The following FAM135B variants were observed in gnomAD, a reference collection of about 807,000 sequenced individuals.
The protein encoded by FAM135B is family with sequence similarity 135 member B.
A neutral mutation model predicts 127.7 loss-of-function variants in FAM135B; 43 were observed. The observed-to-expected ratio is 0.34, with a 90% confidence interval of 0.26 to 0.43. FAM135B has a LOEUF of 0.43. Ranked by LOEUF, FAM135B falls within the 20% of genes least tolerant of loss-of-function variation. FAM135B has a pLI of 1.00. For synonymous variants in FAM135B, 670 were observed against 665.1 expected (o/e 1.01, Z -0.11); for missense variants, 1,558 against 1,725.6 (o/e 0.90, Z 1.72).
chr8:138,261,274 A>G (rs1822518705), intron 4 of FAM135B, among the ~76,000 whole-genome samples: 1 of 152,200 alleles, frequency 6.6e-6, no homozygotes, highest in Admixed American at 6.5e-5. Context: ...CCAAGGAATC[A>G]CACTTTGGAA....
rs542960410 is a variant in FAM135B, at chr8:138,255,079, G to C, written c.368+1610C>G. Among the ~76,000 whole-genome samples the C allele has an allele frequency of 1.3e-4, 20 of 149,212 alleles. No homozygotes were observed. The South Asian group carries it at 3.5e-3, about 26-fold the overall frequency. ...CAGTCTTGCTCTGTCACCCAGGCTG[G>C]AGTGCAGTGGTACAATCAGGACGCA... On this transcript the variant is annotated intron_variant, in intron 5 of 19. Transcript: ENST00000395297.
At chr8:138,407,225 G>A (rs1044606097) in intron 1 of FAM135B, among the ~76,000 whole-genome samples, 16 of 149,962 alleles carry the variant, frequency 1.1e-4, no homozygotes, top group African/African-American at 3.9e-4. Flanking sequence ...TCTTCAAGGA[G>A]AACTACAAAC....
At chr8:138,488,003 C>CA (rs919621937) in intron 1 of FAM135B, among the ~76,000 whole-genome samples, 33 of 147,580 alleles carry the variant, frequency 2.2e-4, no homozygotes, top group South Asian at 1.8e-3. Flanking sequence ...GACTCTCTCT[C>CA]AAAAAAAACA....
chr8:138,278,217 C>A (rs370119093), intron 3 of FAM135B, among the ~76,000 whole-genome samples: 1 of 121,532 alleles, frequency 8.2e-6, no homozygotes, highest in East Asian at 2.7e-4. Context: ...TCTAGGTGTT[C>A]ATTGACACGA....
At chr8:138,365,761 T>G (rs181031672) in intron 2 of FAM135B, among the ~76,000 whole-genome samples, 5 of 152,316 alleles carry the variant, frequency 3.3e-5, no homozygotes, top group East Asian at 1.9e-4. Context: ...TTAGTGAAGT[T>G]AAAACTAGAA....
At chr8:138,346,081 G>T (rs1829390550) in intron 2 of FAM135B, among the ~76,000 whole-genome samples, 2 of 152,168 alleles carry the variant, frequency 1.3e-5, no homozygotes, top group African/African-American at 2.4e-5. Flanking sequence ...TTAGAGAAAT[G>T]CAAATCAAAA....
chr8:138,212,030 T>C (rs1818181907), intron 7 of FAM135B, among the ~76,000 whole-genome samples: 1 of 152,172 alleles, frequency 6.6e-6, no homozygotes, highest in Non-Finnish European at 1.5e-5. Context: ...ATGGAGCCAC[T>C]GCACTCCACC....
chr8:138,299,607 A>ACC (rs147805579), intron 3 of FAM135B, among the ~76,000 whole-genome samples: 5,350 of 152,044 alleles, frequency 0.035, 205 homozygotes, highest in East Asian at 0.18. Flanking sequence ...ACACACACAC[A>ACC]CCCACGATCC....
chr8:138,218,766 C>CACAGAG (rs1469155017), intron 7 of FAM135B, among the ~76,000 whole-genome samples: 1 of 80,498 alleles, frequency 1.2e-5, no homozygotes, highest in Non-Finnish European at 2.7e-5. Context: ...CACACACACA[C>CACAGAG]AGAGAGAGAG....
intron 8 of FAM135B, among the ~76,000 whole-genome samples, chr8:138,197,244 G>A (rs1176066533): frequency 6.6e-6 from 1 of 152,134 alleles, no homozygotes; most frequent in Non-Finnish European, 1.5e-5. Context: ...ATTATGCAGT[G>A]GAGTGGCAGG....
At chr8:138,304,345 A>AGG (rs1316199806) in intron 3 of FAM135B, among the ~76,000 whole-genome samples, 3 of 152,218 alleles carry the variant, frequency 2.0e-5, no homozygotes, top group Non-Finnish European at 4.4e-5. Flanking sequence ...GGTCCTCCAC[A>AGG]GGGAAGCCCC....
intron 12 of FAM135B, 80 bp from the exon 13 acceptor site, chr8:138,153,296 A>C (rs1818361352): frequency 8.2e-7 from 1 of 1,219,648 alleles, no homozygotes; most frequent in Non-Finnish European, 1.1e-6. Context: ...TAACTGTATA[A>C]TAAAGAATTT....
chr8:138,347,711 G>A (rs1829510185), intron 2 of FAM135B, among the ~76,000 whole-genome samples: 2 of 152,126 alleles, frequency 1.3e-5, no homozygotes, highest in East Asian at 3.9e-4. Context: ...GTCAGGGCCT[G>A]AGCCAATCAC....
At position 138,137,237 on chromosome 8, in the gene FAM135B, C is replaced by G. The variant is rs2130541459; in HGVS notation, c.3925G>C (p.Val1309Leu). ...CGGTCTTGGGGAGAAGCAACCAGCA[C>G]GACGTTTTTAAAATACTGCAGCCCT... ...KTGLQYFKNV[V>L]LVASPQDRYV... The change falls in exon 19 of 20, where the codon GTG (valine) becomes CTG (leucine). Residue 1309 changes from valine (V) to leucine (L), a missense_variant. Val to Leu is a conservative substitution (Grantham distance 32). Coordinates refer to ENST00000395297, the MANE Select transcript of FAM135B (RefSeq NM_015912.4). 1.2e-6 allele frequency: 2 copies of G among 1,609,368 alleles called. No homozygotes were observed. The highest frequency in any genetic ancestry group is 1.7e-6 in the Non-Finnish European group (2 of 1,175,634).
At chr8:138,291,812 T>A (rs1416407877) in intron 3 of FAM135B, among the ~76,000 whole-genome samples, 1 of 152,154 alleles carries the variant, frequency 6.6e-6, no homozygotes, top group African/African-American at 2.4e-5. Context: ...AGCCTACAGC[T>A]AACATCATAC....
chr8:138,204,986 G>C (rs1396550335), intron 7 of FAM135B, among the ~76,000 whole-genome samples: 1 of 152,154 alleles, frequency 6.6e-6, no homozygotes, highest in African/African-American at 2.4e-5. Flanking sequence ...TAACAGTCTA[G>C]TGTTCATGAT....
chr8:138,347,106 AGAATGAATGAAT>A (rs143057372), intron 2 of FAM135B, among the ~76,000 whole-genome samples: 2 of 151,188 alleles, frequency 1.3e-5, no homozygotes, highest in African/African-American at 2.4e-5. Context: ...AACAAAAGGA[AGAATGAATGAAT>A]GAATGAATGA....
intron 1 of FAM135B, among the ~76,000 whole-genome samples, chr8:138,479,406 C>A (rs368609961): frequency 3.9e-5 from 6 of 152,296 alleles, no homozygotes; most frequent in African/African-American, 1.4e-4. Flanking sequence ...AACCAGCCCC[C>A]ACTCCCCTCG....
chr8:138,401,846 CG>C (rs1177740354), intron 1 of FAM135B, among the ~76,000 whole-genome samples: 2 of 152,174 alleles, frequency 1.3e-5, no homozygotes, highest in African/African-American at 4.8e-5. Context: ...TTTCTGAGAA[CG>C]GTCTGGCTTA....
Sources: allele counts gnomAD v4.1 joint callset (sites outside exome capture counted in the v4.1 genomes callset), GRCh38; gene constraint gnomAD v4.1.1; transcripts MANE v1.5; gene names NCBI Gene and HGNC (gene_info 2026-07-23, HGNC 2026-07-21).